PCSK1: variants seen among roughly 807,000 people sequenced by gnomAD.
The protein encoded by PCSK1 is proprotein convertase subtilisin/kexin type 1, also known as neuroendocrine convertase 1.
PCSK1 carries 56 observed loss-of-function variants against 90.6 expected under a neutral mutation model. The ratio of observed to expected loss-of-function variants is 0.62; its 90% CI spans 0.50 to 0.77. The LOEUF is 0.77. Ranked by LOEUF, PCSK1 falls within the 30% of genes least tolerant of loss-of-function variation. The probability of loss-of-function intolerance (pLI) is 0.00; values close to 1 mark genes in which losing one functional copy is unlikely to be tolerated. For synonymous variants in PCSK1, 348 were observed against 342.4 expected, an observed-to-expected ratio of 1.02 and a Z score of -0.18; for missense variants, 801 against 932.6, an observed-to-expected ratio of 0.86 and a Z score of 1.84.
At chr5:96,401,562 G>C (rs1760375849) in intron 9 of PCSK1, among the ~76,000 whole-genome samples, 1 of 152,208 alleles carries the variant, frequency 6.6e-6, no homozygotes, top group African/African-American at 2.4e-5. Flanking sequence ...AGATAAATCA[G>C]AGATATAAGG....
intron 6 of PCSK1, among the ~76,000 whole-genome samples, chr5:96,414,137 T>TAAAAAAAA (rs564573961): frequency 1.6e-5 from 2 of 124,758 alleles, no homozygotes; most frequent in African/African-American, 6.2e-5. Flanking sequence ...AGACTCTGTC[T>TAAAAAAAA]AAAAAAAAAA....
chr5:96,427,906 G>A (rs1761365166), intron 2 of PCSK1, among the ~76,000 whole-genome samples: 1 of 152,150 alleles, frequency 6.6e-6, no homozygotes, highest in East Asian at 1.9e-4. Context: ...AAGTGAGTAA[G>A]GGAAGACCTC....
intron 3 of PCSK1, among the ~76,000 whole-genome samples, chr5:96,424,969 AAAAG>A (rs1761235891): frequency 6.7e-6 from 1 of 149,052 alleles, no homozygotes; most frequent in South Asian, 2.1e-4. Flanking sequence ...GTCAAAAAAA[AAAAG>A]AAAGATAGAA....
At chr5:96,425,282 C>T (rs956401176) in intron 3 of PCSK1, among the ~76,000 whole-genome samples, 1 of 152,206 alleles carries the variant, frequency 6.6e-6, no homozygotes, top group Non-Finnish European at 1.5e-5. Flanking sequence ...TTAACAATTT[C>T]TTCGCTCAAG....
rs181924246 is a variant in PCSK1 at position 96,400,914 on chromosome 5, C to A, written c.1197-728G>T. ...CATCTTGGCTAACACGGTGAAACCC[C>A]GTCTCTACTAAAAATACAAAAAATT... On this transcript the variant is annotated intron_variant, in intron 9 of 13. Transcript: ENST00000311106. Among the ~76,000 whole-genome samples, 922 of 151,404 alleles carry A rather than the reference C, an allele frequency of 6.1e-3. 8 individuals are homozygous for A. The highest frequency in any genetic ancestry group is 0.021 in the African/African-American group (875 of 41,270).
In PCSK1 at chr5:96,410,860, G is replaced by A. The variant is rs1760731674; in HGVS notation, c.1009C>T (p.Gln337Ter). 1 of 1,614,076 alleles carries A rather than the reference G, an allele frequency of 6.2e-7. No individual in the cohort carries two copies. Among genetic ancestry groups the A allele is most frequent in the Non-Finnish European group, 8.5e-7 (1 of 1,179,924 alleles). ...TCAGCGTACCAGGGGGATAGGCCTT[G>A]CTGGGAGGCACTGCTGATGGAGATG... Reference protein sequence around the residue: ...YTISISSASQQGLSPWYAEKC... With the variant: ...YTISISSASQ Residue 337 changes from glutamine (Q) to a stop codon, truncating the protein, a stop_gained, in exon 8 of 14, where the codon CAA (glutamine) becomes TAA (stop). Coordinates refer to ENST00000311106, the MANE Select transcript of PCSK1 (RefSeq NM_000439.5). LOFTEE classifies it high-confidence loss of function.
At chr5:96,399,726 G>C (rs1168099158) in intron 10 of PCSK1, among the ~76,000 whole-genome samples, 1 of 152,124 alleles carries the variant, frequency 6.6e-6, no homozygotes, top group Non-Finnish European at 1.5e-5. Context: ...CTTAGACTGG[G>C]TGCTATGTGG....
rs1760012407 is a variant in PCSK1 at position 96,393,210 on chromosome 5, G to A, written c.2053C>T (p.Pro685Ser). 2 of 1,614,104 alleles carry A rather than the reference G, an allele frequency of 1.2e-6. No individual in the cohort carries two copies. The highest frequency in any genetic ancestry group is 2.2e-5 in the East Asian group (1 of 44,868). ...FSKNSPPKQS[P>S]KKSPSAKLNI... ...AGCTTTGCACTTGGGGACTTCTTTG[G>A]TGATTGCTTTGGCGGTGAGTTTTTA... is the stretch of plus-strand genomic sequence containing the variant. The change falls in exon 14 of 14, where the codon CCA becomes TCA. Residue 685 changes from proline (P) to serine (S), a missense_variant. Pro to Ser is a moderately conservative substitution (Grantham distance 74). Coordinates refer to ENST00000311106, the MANE Select transcript of PCSK1 (RefSeq NM_000439.5).
chr5:96,394,403 A>C (rs944165186), intron 13 of PCSK1, among the ~76,000 whole-genome samples: 25 of 152,140 alleles, frequency 1.6e-4, no homozygotes, highest in Admixed American at 1.6e-3. Flanking sequence ...TTAATGAATT[A>C]ATAAAAAGAA....
rs759098285 is a variant in PCSK1, at chr5:96,412,377, T to G, written c.823A>C (p.Lys275Gln). 1 of 1,614,158 alleles carries G rather than the reference T, an allele frequency of 6.2e-7. No homozygotes were observed. Among genetic ancestry groups the G allele is most frequent in the Non-Finnish European group, 8.5e-7 (1 of 1,180,030 alleles). Residue 275 changes from lysine to glutamine, a missense_variant, in exon 7 of 14, where the codon AAA becomes CAA. Lys to Gln is a moderately conservative substitution (Grantham distance 53). Coordinates refer to ENST00000311106, the MANE Select transcript of PCSK1 (RefSeq NM_000439.5). Reference sequence around the variant, plus strand: ...AGCCGGCCAGGCCCCTCCACAGTTTTCCCATCATCATTAGGGCCCCAGCTT... The same window carrying G: ...AGCCGGCCAGGCCCCTCCACAGTTTGCCCATCATCATTAGGGCCCCAGCTT... ...SASWGPNDDG[K>Q]TVEGPGRLAQ...
rs746297834 is a variant in PCSK1, at chr5:96,391,121, T to G, written c.*1880A>C. 6.6e-6 allele frequency: 1 copy of G among 152,206 alleles called. No individual in the cohort carries two copies. The highest frequency in any genetic ancestry group is 2.4e-5 in the African/African-American group (1 of 41,458). 9.4% of individuals were successfully genotyped at this position (152,206 alleles called of 1,614,324 possible). ...TGGAAATTCTATCTAACACTTCATA[T>G]CAAACAATATATGAAACTTCCAAGG... On this transcript the variant is annotated 3_prime_UTR_variant, in exon 14 of 14. Transcript: ENST00000311106.
In PCSK1 at chr5:96,392,980, A is replaced by C. The variant is rs763429283; in HGVS notation, c.*21T>G. On this transcript the variant is annotated 3_prime_UTR_variant, in exon 14 of 14. Transcript: ENST00000311106. ...TAAGGAAGAAGCATGAATATTTCCA[A>C]CTTGGGACCACACACTTATTTTAAT... is the stretch of plus-strand genomic sequence containing the variant. 1.9e-6 allele frequency: 3 copies of C among 1,613,602 alleles called. No homozygotes were observed. The South Asian group carries it at 3.3e-5, about 18-fold the overall frequency.
chr5:96,402,726 T>C (rs541970102), intron 9 of PCSK1, among the ~76,000 whole-genome samples: 6 of 152,122 alleles, frequency 3.9e-5, no homozygotes, highest in Admixed American at 1.3e-4. Flanking sequence ...GCTTTCATTT[T>C]TGGCTTGTTG....
intron 8 of PCSK1, among the ~76,000 whole-genome samples, chr5:96,410,374 C>T (rs1358771122): frequency 6.6e-6 from 1 of 151,978 alleles, no homozygotes; most frequent in East Asian, 1.9e-4. Context: ...TGCGACAGGG[C>T]AGGTCAGACT....
At chr5:96,425,530 C>T (rs753174328) in intron 3 of PCSK1, among the ~76,000 whole-genome samples, 3 of 152,044 alleles carry the variant, frequency 2.0e-5, no homozygotes, top group Non-Finnish European at 4.4e-5. Context: ...TTTTGGAAAC[C>T]CTAACCTGCA....
intron 2 of PCSK1, among the ~76,000 whole-genome samples, chr5:96,426,893 C>A (rs1486395111): frequency 6.6e-6 from 1 of 152,150 alleles, no homozygotes; most frequent in Non-Finnish European, 1.5e-5. Context: ...AAATATACTG[C>A]AAACCTATTA....
intron 6 of PCSK1, among the ~76,000 whole-genome samples, chr5:96,412,752 G>GTTTTT (rs57397343): frequency 0.036 from 2,583 of 71,654 alleles, 110 homozygotes; most frequent in Middle Eastern, 0.043. Flanking sequence ...CAGCTGTGAT[G>GTTTTT]TTTTTTTTTT....
intron 1 of PCSK1, chr5:96,432,282 C>T (rs1470515778): frequency 2.9e-6 from 2 of 682,194 alleles, no homozygotes. Context: ...GCTTCCCAGG[C>T]TACTCCGCGG....
At chr5:96,421,279 G>A (rs892693598) in intron 5 of PCSK1, among the ~76,000 whole-genome samples, 3 of 152,188 alleles carry the variant, frequency 2.0e-5, no homozygotes, top group Non-Finnish European at 4.4e-5. Flanking sequence ...TGGGAGTCGG[G>A]TGCTGTCTCC....
Sources: allele counts gnomAD v4.1 joint callset (sites outside exome capture counted in the v4.1 genomes callset), GRCh38; gene constraint gnomAD v4.1.1; transcripts MANE v1.5; gene names NCBI Gene and HGNC (gene_info 2026-07-23, HGNC 2026-07-21).